The following RAB38 variants were observed in gnomAD, a reference collection of about 807,000 sequenced individuals.
The protein encoded by RAB38 is ras-related protein Rab-38.
In RAB38, 15 loss-of-function variants were observed where a neutral mutation model predicts 18.4. The ratio of observed to expected loss-of-function variants is 0.82; its 90% CI spans 0.55 to 1.26. RAB38 has a LOEUF of 1.26. Ranked by LOEUF, RAB38 falls within the 50% of genes most tolerant of loss-of-function variation. RAB38 has a pLI of 0.00. For synonymous variants in RAB38, 101 were observed against 104.4 expected (o/e 0.97, Z 0.20); for missense variants, 294 against 267.4 (o/e 1.10, Z -0.69).
chr11:87,879,177 C>T, the RAB38 span, among the ~76,000 whole-genome samples: 1 of 151,478 alleles, frequency 6.6e-6, no homozygotes, highest in African/African-American at 2.4e-5. Context: ...ATTCCTACAT[C>T]AATTACCAAA....
At chr11:87,885,388 C>A in the RAB38 span, among the ~76,000 whole-genome samples, 3 of 150,300 alleles carry the variant, frequency 2.0e-5, no homozygotes, top group African/African-American at 7.3e-5. Context: ...CAGGTGTGAT[C>A]CTTAGTTGCT....
the RAB38 span, among the ~76,000 whole-genome samples, chr11:87,905,631 C>T: frequency 6.6e-6 from 1 of 151,782 alleles, no homozygotes; most frequent in East Asian, 1.9e-4. Flanking sequence ...TCAACAAGGT[C>T]TCTCTATTCT....
At chr11:88,039,676 C>A in the RAB38 span, among the ~76,000 whole-genome samples, 4 of 152,114 alleles carry the variant, frequency 2.6e-5, no homozygotes, top group Admixed American at 2.0e-4. Context: ...GCCTGACTGG[C>A]GAGGTAGGCT....
At chr11:87,965,656 A>T in the RAB38 span, among the ~76,000 whole-genome samples, 1 of 152,162 alleles carries the variant, frequency 6.6e-6, no homozygotes, top group Non-Finnish European at 1.5e-5. Context: ...TGGGACATAG[A>T]TGGTGAAATG....
chr11:87,936,547 C>T, the RAB38 span, among the ~76,000 whole-genome samples: 1 of 152,104 alleles, frequency 6.6e-6, no homozygotes, highest in Non-Finnish European at 1.5e-5. Flanking sequence ...ACCACACCAT[C>T]AGTACCACAC....
chr11:88,155,221 C>T (rs910411759), intron 1 of RAB38, among the ~76,000 whole-genome samples: 1 of 152,216 alleles, frequency 6.6e-6, no homozygotes, highest in Non-Finnish European at 1.5e-5. Context: ...GGACCCCAAT[C>T]CCCTTGGCTA....
the RAB38 span, among the ~76,000 whole-genome samples, chr11:87,908,480 T>C: frequency 2.6e-5 from 4 of 151,996 alleles, no homozygotes; most frequent in Non-Finnish European, 4.4e-5. Flanking sequence ...TTCCATTAAA[T>C]TGATGTTCAA....
the RAB38 span, among the ~76,000 whole-genome samples, chr11:87,867,375 A>C: frequency 1.2e-4 from 18 of 151,768 alleles, no homozygotes; most frequent in African/African-American, 4.3e-4. Flanking sequence ...AAAAATTAAA[A>C]TGCCATAAAG....
At chr11:88,098,898 G>A in the RAB38 span, among the ~76,000 whole-genome samples, 1 of 151,802 alleles carries the variant, frequency 6.6e-6, no homozygotes, top group Non-Finnish European at 1.5e-5. Flanking sequence ...TTCATTTTGG[G>A]TCTTCATACC....
the RAB38 span, among the ~76,000 whole-genome samples, chr11:88,060,887 A>C: frequency 6.6e-5 from 10 of 152,336 alleles, no homozygotes; most frequent in African/African-American, 2.4e-4. Context: ...GAATTATGTA[A>C]GGTGATATGT....
In RAB38 at chr11:88,113,554, T is replaced by C. The variant is rs1200865314; in HGVS notation, c.*434A>G. The C allele has an allele frequency of 6.0e-6, 1 of 167,114 alleles. No individual in the cohort carries two copies. Among genetic ancestry groups the C allele is most frequent in the Non-Finnish European group, 1.3e-5 (1 of 75,092 alleles). The allele number at this position is 167,114 out of a possible 1,614,324, so 10.4% of individuals were successfully genotyped here. On this transcript the variant is annotated 3_prime_UTR_variant, in exon 3 of 3. Transcript: ENST00000243662. ...TCATCTTGGGAGAAAATATCACATC[T>C]ACTTAATAGGCCTGTCAGGCCATCA...
the RAB38 span, among the ~76,000 whole-genome samples, chr11:88,031,882 T>C: frequency 6.6e-6 from 1 of 152,264 alleles, no homozygotes; most frequent in South Asian, 2.1e-4. Context: ...AAAACTACTT[T>C]GAAGTTCATA....
intron 1 of RAB38, among the ~76,000 whole-genome samples, chr11:88,157,200 G>A (rs183775894): frequency 2.6e-5 from 4 of 152,226 alleles, no homozygotes; most frequent in East Asian, 1.9e-4. Context: ...TCATTCCTAC[G>A]TCAGATAAAT....
At chr11:88,126,693 A>G (rs1157855552) in intron 2 of RAB38, among the ~76,000 whole-genome samples, 1 of 59,580 alleles carries the variant, frequency 1.7e-5, no homozygotes, top group Admixed American at 1.8e-4. Flanking sequence ...TAAAACTTAA[A>G]GTATAATAAT....
At chr11:88,054,996 T>C in the RAB38 span, among the ~76,000 whole-genome samples, 12 of 152,322 alleles carry the variant, frequency 7.9e-5, no homozygotes, top group East Asian at 2.1e-3. Flanking sequence ...GACTATTTGA[T>C]CTTGGGCAAA....
chr11:88,111,642 C>A (rs897415078), downstream of RAB38, among the ~76,000 whole-genome samples: 1 of 152,168 alleles, frequency 6.6e-6, no homozygotes. Context: ...ATGCCAGCAC[C>A]ATTTAATAGT....
At chr11:88,040,203 C>A in the RAB38 span, among the ~76,000 whole-genome samples, 1 of 152,150 alleles carries the variant, frequency 6.6e-6, no homozygotes, top group African/African-American at 2.4e-5. Context: ...TATGTTCTCA[C>A]AGTTCTGGGG....
At chr11:87,837,188 C>T in the RAB38 span, among the ~76,000 whole-genome samples, 1 of 152,152 alleles carries the variant, frequency 6.6e-6, no homozygotes, top group African/African-American at 2.4e-5. Context: ...TTATACCACT[C>T]CTGAACTCAA....
the RAB38 span, among the ~76,000 whole-genome samples, chr11:87,823,734 A>G: frequency 6.6e-6 from 1 of 152,336 alleles, no homozygotes; most frequent in East Asian, 1.9e-4. Context: ...TTAAACACTG[A>G]AAACCACCCA....
Sources: gnomAD v4.1 joint callset for allele counts (sites outside exome capture counted in the v4.1 genomes callset) on GRCh38, gnomAD v4.1.1 for gene constraint, MANE v1.5 for transcripts, NCBI Gene and HGNC (gene_info 2026-07-23, HGNC 2026-07-21) for gene names.